The following MAP2 variants were observed in gnomAD, a reference collection of about 807,000 sequenced individuals.
MAP2 encodes the protein microtubule associated protein 2.
Under a neutral mutation model 137.6 loss-of-function variants are expected in MAP2, and 14 were observed. The ratio of observed to expected loss-of-function variants is 0.10; its 90% CI spans 0.07 to 0.16. The LOEUF (loss-of-function observed/expected upper bound fraction) is 0.16. Ranked by LOEUF, MAP2 falls within the 10% of genes least tolerant of loss-of-function variation. The pLI is 1.00. For missense variants in MAP2, 2,088 were observed against 2,191.5 expected, an observed-to-expected ratio of 0.95 and a Z score of 0.94; for synonymous variants, 786 against 782.3, an observed-to-expected ratio of 1.00 and a Z score of -0.08.
In MAP2 at chr2:209,428,314, G is replaced by A. The variant is rs997164256; in HGVS notation, c.-222+4038G>A. On this transcript the variant is annotated intron_variant, in intron 1 of 15. Transcript: ENST00000682079. ...TTCAGTCTACTGTTAAGTTTATATT[G>A]TGGAAGTTGGGGAAAGTTTTAGACA... Among the ~76,000 whole-genome samples, 137 of 151,352 alleles carry A rather than the reference G, an allele frequency of 9.1e-4. 2 individuals are homozygous for A. The highest frequency in any genetic ancestry group is 2.2e-4 in the Non-Finnish European group (15 of 67,872).
At chr2:209,453,702 A>G (rs895320151) in intron 1 of MAP2, among the ~76,000 whole-genome samples, 2 of 152,132 alleles carry the variant, frequency 1.3e-5, no homozygotes, top group East Asian at 3.9e-4. Flanking sequence ...TCAATAAATT[A>G]TTTTTTTAAA....
chr2:209,646,915 A>G (rs954905459), intron 4 of MAP2, among the ~76,000 whole-genome samples: 1 of 152,156 alleles, frequency 6.6e-6, no homozygotes, highest in Non-Finnish European at 1.5e-5. Flanking sequence ...CCATTCTCAC[A>G]TTGCTATAAA....
intron 1 of MAP2, among the ~76,000 whole-genome samples, chr2:209,429,509 T>A (rs1693661292): frequency 6.6e-6 from 1 of 152,192 alleles, no homozygotes; most frequent in African/African-American, 2.4e-5. Flanking sequence ...GAGCAATCAG[T>A]AAATGTTGAA....
intron 1 of MAP2, among the ~76,000 whole-genome samples, chr2:209,492,114 C>T (rs1432940547): frequency 6.6e-6 from 1 of 152,122 alleles, no homozygotes; most frequent in African/African-American, 2.4e-5. Context: ...TTGGCTTCAT[C>T]CTTTGGATGC....
intron 1 of MAP2, among the ~76,000 whole-genome samples, chr2:209,481,472 T>C (rs999362983): frequency 6.6e-6 from 1 of 152,194 alleles, no homozygotes; most frequent in Non-Finnish European, 1.5e-5. Flanking sequence ...AAAGTGCCAC[T>C]CCATCCTAAT....
chr2:209,662,016 A>C (rs1242030647), intron 5 of MAP2, among the ~76,000 whole-genome samples: 1 of 152,184 alleles, frequency 6.6e-6, no homozygotes, highest in African/African-American at 2.4e-5. Context: ...TCCAGTCTTA[A>C]GGTAGGATGA....
intron 1 of MAP2, among the ~76,000 whole-genome samples, chr2:209,448,975 T>C (rs1211742756): frequency 6.6e-6 from 1 of 152,114 alleles, no homozygotes; most frequent in Non-Finnish European, 1.5e-5. Context: ...ACTAGAGAGA[T>C]ATGGGGGACT....
chr2:209,630,062 T>C (rs1466802596), intron 4 of MAP2, among the ~76,000 whole-genome samples: 1 of 152,210 alleles, frequency 6.6e-6, no homozygotes, highest in Non-Finnish European at 1.5e-5. Context: ...ATGAGCACTT[T>C]TTCTAATGCT....
chr2:209,646,618 C>T (rs1200828872), intron 4 of MAP2, among the ~76,000 whole-genome samples: 3 of 152,072 alleles, frequency 2.0e-5, no homozygotes, highest in African/African-American at 4.8e-5. Context: ...AAAGACCTAC[C>T]CATCAGCTAC....
Position 209,693,886 on chromosome 2 carries a change from C to T in MAP2, c.1716C>T (p.Tyr572=). The T allele has an allele frequency of 1.2e-6, 2 of 1,611,694 alleles. No individual in the cohort carries two copies. The highest frequency in any genetic ancestry group is 1.7e-6 in the Non-Finnish European group (2 of 1,179,310). The change falls in exon 8 of 16, where the codon TAC becomes TAT. Residue 572 remains tyrosine, a synonymous_variant. Coordinates refer to ENST00000682079, the MANE Select transcript of MAP2 (RefSeq NM_001375505.1). ...FYEDKSGMSK[Y]FETSALKEEA... The stretch of plus-strand genomic sequence containing the variant: ...AAGATAAATCAGGAATGTCCAAGTA[C>T]TTTGAAACATCTGCCTTGAAAGAAG...
At chr2:209,586,048 A>G (rs1422200246) in intron 3 of MAP2, among the ~76,000 whole-genome samples, 19 of 152,150 alleles carry the variant, frequency 1.2e-4, no homozygotes, top group Non-Finnish European at 1.5e-5. Context: ...GACTCTAACT[A>G]GTCAAATCGT....
At chr2:209,714,092 T>G (rs2066559077) in intron 13 of MAP2, among the ~76,000 whole-genome samples, 1 of 151,476 alleles carries the variant, frequency 6.6e-6, no homozygotes, top group Admixed American at 6.6e-5. Flanking sequence ...TCCCAGCTAC[T>G]TGGGAGGCTG....
At chr2:209,556,281 C>A (rs1360221166) in intron 2 of MAP2, among the ~76,000 whole-genome samples, 1 of 152,032 alleles carries the variant, frequency 6.6e-6, no homozygotes, top group Non-Finnish European at 1.5e-5. Flanking sequence ...TGAACTCAAG[C>A]GATCGTCCTG....
chr2:209,475,521 A>G (rs559154171), intron 1 of MAP2, among the ~76,000 whole-genome samples: 6 of 152,102 alleles, frequency 3.9e-5, no homozygotes, highest in Non-Finnish European at 8.8e-5. Flanking sequence ...CTAAGGGTAC[A>G]TATGAGAGGA....
intron 3 of MAP2, among the ~76,000 whole-genome samples, chr2:209,604,889 A>G (rs915593012): frequency 2.6e-5 from 4 of 152,300 alleles, no homozygotes; most frequent in African/African-American, 9.6e-5. Context: ...TAAACTCCCA[A>G]TTCTAATGGC....
At chr2:209,453,828 T>C (rs1443321439) in intron 1 of MAP2, among the ~76,000 whole-genome samples, 2 of 152,116 alleles carry the variant, frequency 1.3e-5, no homozygotes, top group African/African-American at 4.8e-5. Context: ...CAGATGGCAC[T>C]ATATGATAAC....
At chr2:209,616,214 G>T (rs1007960926) in intron 3 of MAP2, among the ~76,000 whole-genome samples, 1 of 152,222 alleles carries the variant, frequency 6.6e-6, no homozygotes, top group Admixed American at 6.5e-5. Flanking sequence ...GCATGGCCTA[G>T]TGAGGCCCAG....
chr2:209,455,692 A>G (rs182304917), intron 1 of MAP2, among the ~76,000 whole-genome samples: 54 of 152,300 alleles, frequency 3.5e-4, no homozygotes, highest in African/African-American at 1.3e-3. Flanking sequence ...ATATAAATAA[A>G]TTTTTTAAGG....
At chr2:209,596,925 A>G (rs2081438233) in intron 3 of MAP2, among the ~76,000 whole-genome samples, 1 of 152,166 alleles carries the variant, frequency 6.6e-6, no homozygotes, top group South Asian at 2.1e-4. Flanking sequence ...TTCCTCAGTA[A>G]AAATAGGACT....
Sources: allele counts gnomAD v4.1 joint callset (sites outside exome capture counted in the v4.1 genomes callset), GRCh38; gene constraint gnomAD v4.1.1; transcripts MANE v1.5; gene names NCBI Gene and HGNC (gene_info 2026-07-23, HGNC 2026-07-21).